Variants in LRPAP1 observed in about 807,000 individuals in gnomAD.
LRPAP1 encodes LDL receptor related protein associated protein 1, also known as alpha-2-macroglobulin receptor-associated protein.
A neutral mutation model predicts 39.9 loss-of-function variants in LRPAP1; 41 were observed. The ratio of observed to expected loss-of-function variants is 1.03; its 90% confidence interval spans 0.80 to 1.33. The LOEUF (loss-of-function observed/expected upper bound fraction) is 1.33. Among genes scored for constraint, LRPAP1 ranks in the 40% most tolerant of loss-of-function variants. The pLI is 0.00. For synonymous variants in LRPAP1, 263 were observed against 212.7 expected (o/e 1.24, Z -2.06); for missense variants, 565 against 482.3 (o/e 1.17, Z -1.61).
chr4:3,531,388 G>T (rs1345316226), intron 1 of LRPAP1, among the ~76,000 whole-genome samples: 1 of 149,762 alleles, frequency 6.7e-6, no homozygotes, highest in African/African-American at 2.4e-5. Context: ...GGACTATTGA[G>T]ACAGAGATCT....
Position 3,518,926 on chromosome 4 carries a change from G to C in LRPAP1, c.537C>G (p.His179Gln). The C allele has an allele frequency of 6.2e-7, 1 of 1,614,004 alleles. No individual in the cohort carries two copies. The highest frequency in any genetic ancestry group is 1.1e-5 in the South Asian group (1 of 91,068). Residue 179 changes from histidine (H) to glutamine (Q), a missense_variant, in exon 4 of 8, where the codon CAC becomes CAG. By Grantham distance (24) the His-to-Gln change is conservative (BLOSUM62 0). Transcript: ENST00000650182. ...LDKLWREFLH[H>Q]KEKVHEYNVL... is the part of the protein sequence containing the mutation. Reference sequence around the variant, plus strand: ...CGTTGTACTCGTGAACTTTCTCTTTGTGATGCAGGAACTCCCGCCAGAGCT... The same window carrying C: ...CGTTGTACTCGTGAACTTTCTCTTTCTGATGCAGGAACTCCCGCCAGAGCT...
chr4:3,524,821 A>C (rs545398985), intron 2 of LRPAP1, 86 bp downstream of exon 2: 230 of 1,498,862 alleles, frequency 1.5e-4, no homozygotes, highest in Admixed American at 4.7e-4. Flanking sequence ...AAATCCAAAA[A>C]CAAAATCCGA....
At chr4:3,520,850 C>G (rs73197137) in intron 2 of LRPAP1, among the ~76,000 whole-genome samples, 2,888 of 152,358 alleles carry the variant, frequency 0.019, 43 homozygotes, top group Middle Eastern at 0.078. Context: ...GATCTGCCCA[C>G]GTGGTGCTCC....
chr4:3,514,640 C>T, intron 7 of LRPAP1, 112 bp downstream of exon 7: 1 of 1,364,330 alleles, frequency 7.3e-7, no homozygotes, highest in Non-Finnish European at 9.8e-7. Flanking sequence ...ACAGGGAAGA[C>T]AGCAGCGTGG....
intron 5 of LRPAP1, among the ~76,000 whole-genome samples, chr4:3,516,771 C>T (rs1729718894): frequency 1.3e-5 from 2 of 152,202 alleles, no homozygotes; most frequent in South Asian, 2.1e-4. Flanking sequence ...CACCACTCTC[C>T]AACCAGGAGT....
intron 1 of LRPAP1, 43 bp from the exon 2 acceptor site, chr4:3,525,094 G>C (rs1730041220): frequency 6.2e-7 from 1 of 1,610,532 alleles, no homozygotes; most frequent in Non-Finnish European, 8.5e-7. Context: ...GAGCAGGACG[G>C]ACCAGGACAC....
In LRPAP1 at chr4:3,518,184, C is replaced by T. The variant is rs374011051; in HGVS notation, c.601G>A (p.Glu201Lys). The T allele has an allele frequency of 6.2e-6, 10 of 1,609,962 alleles. No individual in the cohort carries two copies. Among genetic ancestry groups the T allele is most frequent in the African/African-American group, 2.7e-5 (2 of 74,836 alleles). ...AGGTCCGAGGGGCTAATGACGTTCT[C>T]GTGGATTTCTGTAAAACCGAAGGCA... ...ETLSRTEEIH[E>K]NVISPSDLSD... is the part of the protein sequence containing the mutation. Residue 201 changes from glutamate (E) to lysine (K), a missense_variant, in exon 5 of 8, where the codon GAG (glutamate) becomes AAG (lysine). Physicochemically the swap from Glu to Lys is moderately conservative, Grantham distance 56 (BLOSUM62 1). Coordinates refer to ENST00000650182, the MANE Select transcript of LRPAP1 (RefSeq NM_002337.4).
intron 3 of LRPAP1, among the ~76,000 whole-genome samples, chr4:3,519,642 C>A (rs987085411): frequency 2.6e-5 from 4 of 152,210 alleles, no homozygotes; most frequent in Admixed American, 2.6e-4. Context: ...TGGGTCCCAG[C>A]GCCTGGCCCC....
Position 3,512,662 on chromosome 4 carries a change from G to T in LRPAP1, c.*312C>A. On this transcript the variant is annotated 3_prime_UTR_variant, in exon 8 of 8. Coordinates refer to ENST00000650182, the MANE Select transcript of LRPAP1 (RefSeq NM_002337.4). ...TTTTTATGTAAATCGTGTTGTTTTA[G>T]CAGAGGACTATCAGACCTGACAGCA... 2.6e-6 allele frequency: 1 copy of T among 384,774 alleles called. No individual in the cohort carries two copies. Among genetic ancestry groups the T allele is most frequent in the Non-Finnish European group, 4.7e-6 (1 of 211,976 alleles). 23.8% of individuals were successfully genotyped at this position (384,774 alleles called of 1,614,324 possible).
At position 3,520,130 on chromosome 4, in the gene LRPAP1, A is replaced by G; in HGVS notation, c.413T>C (p.Leu138Pro). The change falls in exon 3 of 8, where the codon CTC (leucine) becomes CCC (proline). Residue 138 changes from leucine (L) to proline (P), a missense_variant. Transcript: ENST00000650182. ...KDARQVTSNS[L>P]SGTQEDGLDD... ...CAGCCCGTCTTCCTGGGTGCCACTG[A>G]GGGAGTTGCTGGTCACCTGCCGAGC... 6.2e-7 allele frequency: 1 copy of G among 1,614,176 alleles called. No homozygotes were observed. Among genetic ancestry groups the G allele is most frequent in the Non-Finnish European group, 8.5e-7 (1 of 1,180,028 alleles).
intron 1 of LRPAP1, among the ~76,000 whole-genome samples, chr4:3,526,912 G>A (rs2108696709): frequency 6.6e-6 from 1 of 152,304 alleles, no homozygotes; most frequent in South Asian, 2.1e-4. Flanking sequence ...CCACCCTCCA[G>A]GAGTTTAAAA....
At position 3,525,074 on chromosome 4, in the gene LRPAP1, T is replaced by C. The variant is rs969920530; in HGVS notation, c.205-23A>G. The C allele has an allele frequency of 3.7e-6, 6 of 1,613,156 alleles. No homozygotes were observed. In the Admixed American group the frequency reaches 6.7e-5, roughly 18 times the overall value. ...CAGCTGCGAACGAAGGGGAGGAGCC[T>C]GTGAGCCACGAGCAGGACGGACCAG... On this transcript the variant is annotated intron_variant, in intron 1 of 7. Transcript: ENST00000650182.
At position 3,505,720 on chromosome 4, in the gene LRPAP1, G is replaced by A. The variant is rs942747379; in HGVS notation, c.*7254C>T. ...CCCCAAGACCGTCTATACCAGCTAC[G>A]CCAAGACCGTCTATACCAGCTACCC... On this transcript the variant is annotated 3_prime_UTR_variant, in exon 8 of 8. Coordinates refer to ENST00000650182, the MANE Select transcript of LRPAP1 (RefSeq NM_002337.4). 6.7e-6 allele frequency among the ~76,000 whole-genome samples: 1 copy of A among 149,704 alleles called. No individual in the cohort carries two copies. Among genetic ancestry groups the A allele is most frequent in the Non-Finnish European group, 1.5e-5 (1 of 67,506 alleles).
In LRPAP1 at chr4:3,510,998, C is replaced by T. The variant is rs1729488627; in HGVS notation, c.*1976G>A. 6.6e-6 allele frequency: 1 copy of T among 152,296 alleles called. No individual in the cohort carries two copies. Among genetic ancestry groups the T allele is most frequent in the African/African-American group, 2.4e-5 (1 of 41,440 alleles). The allele number at this position is 152,296 out of a possible 1,614,324, so 9.4% of individuals were successfully genotyped here. ...AACTGCCTCCCCTCAACACCATGGT[C>T]TCCCACATACAAAAGAGGCCATTAT... On this transcript the variant is annotated 3_prime_UTR_variant, in exon 8 of 8. Coordinates refer to ENST00000650182, the MANE Select transcript of LRPAP1 (RefSeq NM_002337.4).
chr4:3,524,324 G>A (rs1473417943), intron 2 of LRPAP1, among the ~76,000 whole-genome samples: 1 of 152,244 alleles, frequency 6.6e-6, no homozygotes, highest in Non-Finnish European at 1.5e-5. Flanking sequence ...CCACAGGGAC[G>A]AGGACTCACT....
At chr4:3,521,156 G>A (rs750592665) in intron 2 of LRPAP1, among the ~76,000 whole-genome samples, 3 of 152,196 alleles carry the variant, frequency 2.0e-5, no homozygotes, top group Non-Finnish European at 2.9e-5. Flanking sequence ...CCTCCTTAGC[G>A]GGCGGTGGGC....
chr4:3,515,022 C>T (rs542242204), intron 6 of LRPAP1, 94 bp from the exon 7 acceptor site: 7 of 1,413,064 alleles, frequency 5.0e-6, no homozygotes, highest in Admixed American at 3.6e-5. Flanking sequence ...CAAAGGACGG[C>T]GCCATACCCG....
intron 2 of LRPAP1, among the ~76,000 whole-genome samples, chr4:3,524,156 C>T (rs1015507023): frequency 3.9e-5 from 6 of 152,310 alleles, no homozygotes; most frequent in African/African-American, 1.4e-4. Flanking sequence ...CCGCCAGTGC[C>T]CTGCCGACGG....
At chr4:3,532,013 G>A in intron 1 of LRPAP1, 196 bp downstream of exon 1, 1 of 638,856 alleles carries the variant, frequency 1.6e-6, no homozygotes. Context: ...GCCGGCACGG[G>A]TACCTTTCCT....
Sources: gnomAD v4.1 joint callset for allele counts (sites outside exome capture counted in the v4.1 genomes callset) on GRCh38, gnomAD v4.1.1 for gene constraint, MANE v1.5 for transcripts, NCBI Gene and HGNC (gene_info 2026-07-23, HGNC 2026-07-21) for gene names.